Variants in MDGA2 observed in about 807,000 individuals in gnomAD.
MDGA2 encodes the protein MAM domain-containing glycosylphosphatidylinositol anchor protein 2.
Under a neutral mutation model 117.8 loss-of-function variants are expected in MDGA2, and 40 were observed. The ratio of observed to expected loss-of-function variants is 0.34; its 90% CI spans 0.26 to 0.44. The LOEUF (loss-of-function observed/expected upper bound fraction) is 0.44. MDGA2 is among the 20% of genes least tolerant of loss of function. The pLI, the probability that MDGA2 is intolerant of heterozygous loss-of-function variation, is 1.00. For missense variants in MDGA2, 1,123 were observed against 1,250.6 expected, an observed-to-expected ratio of 0.90 and a Z score of 1.54; for synonymous variants, 452 against 439.0, an observed-to-expected ratio of 1.03 and a Z score of -0.37.
At chr14:47,103,803 A>C (rs922685432) in intron 5 of MDGA2, among the ~76,000 whole-genome samples, 4 of 152,226 alleles carry the variant, frequency 2.6e-5, no homozygotes, top group Non-Finnish European at 5.9e-5. Flanking sequence ...TGTTGTTATC[A>C]ACAGTGATGA....
At chr14:46,987,405 A>G (rs1886900386) in intron 8 of MDGA2, among the ~76,000 whole-genome samples, 1 of 152,142 alleles carries the variant, frequency 6.6e-6, no homozygotes, top group South Asian at 2.1e-4. Flanking sequence ...GTTGTTATTC[A>G]CTATTTATTC....
At chr14:47,630,873 T>C (rs1333204382) in intron 1 of MDGA2, among the ~76,000 whole-genome samples, 1 of 152,182 alleles carries the variant, frequency 6.6e-6, no homozygotes, top group South Asian at 2.1e-4. Flanking sequence ...CTTCCTATAT[T>C]CCAGAGAGTA....
At chr14:47,477,340 G>C (rs1375110561) in intron 1 of MDGA2, among the ~76,000 whole-genome samples, 2 of 152,018 alleles carry the variant, frequency 1.3e-5, no homozygotes, top group Non-Finnish European at 2.9e-5. Flanking sequence ...TAGAAAACAT[G>C]TATTTCAATT....
chr14:46,905,395 A>C (rs1380292446), intron 10 of MDGA2, among the ~76,000 whole-genome samples: 1 of 152,140 alleles, frequency 6.6e-6, no homozygotes, highest in Non-Finnish European at 1.5e-5. Flanking sequence ...AAGTGTATTC[A>C]TTATGCTTCC....
At chr14:47,586,418 G>A (rs1321544516) in intron 1 of MDGA2, among the ~76,000 whole-genome samples, 1 of 151,872 alleles carries the variant, frequency 6.6e-6, no homozygotes, top group Non-Finnish European at 1.5e-5. Flanking sequence ...TGGGATTTGA[G>A]TATAGCTGAG....
intron 3 of MDGA2, among the ~76,000 whole-genome samples, chr14:47,189,881 C>T (rs571179824): frequency 6.6e-4 from 100 of 152,148 alleles, no homozygotes; most frequent in African/African-American, 2.3e-3. Flanking sequence ...CAATTAACAC[C>T]TAAAAGACAC....
intron 1 of MDGA2, among the ~76,000 whole-genome samples, chr14:47,456,599 G>A (rs1355347492): frequency 3.3e-5 from 5 of 151,796 alleles, no homozygotes; most frequent in African/African-American, 1.2e-4. Context: ...CACCATGCCC[G>A]GCCAATTGTT....
chr14:46,986,916 T>A (rs768593767), intron 8 of MDGA2, among the ~76,000 whole-genome samples: 38 of 152,202 alleles, frequency 2.5e-4, no homozygotes, highest in Non-Finnish European at 4.6e-4. Flanking sequence ...AGAGATGGAC[T>A]TTATAACTCA....
At chr14:47,530,240 C>T (rs955671622) in intron 1 of MDGA2, among the ~76,000 whole-genome samples, 5 of 151,974 alleles carry the variant, frequency 3.3e-5, no homozygotes, top group Admixed American at 6.6e-5. Flanking sequence ...CCTCATCTTG[C>T]CACGGCTCTT....
intron 5 of MDGA2, among the ~76,000 whole-genome samples, chr14:47,100,961 C>G (rs565829233): frequency 6.6e-6 from 1 of 151,970 alleles, no homozygotes; most frequent in African/African-American, 2.4e-5. Context: ...ATGGAAGGCA[C>G]AGGTCATGAT....
At chr14:47,063,730 A>T (rs192084773) in intron 6 of MDGA2, among the ~76,000 whole-genome samples, 1 of 152,084 alleles carries the variant, frequency 6.6e-6, no homozygotes, top group East Asian at 1.9e-4. Context: ...TACAATTTTG[A>T]AAGTTTTATT....
At chr14:47,019,866 T>G (rs1888225453) in intron 8 of MDGA2, among the ~76,000 whole-genome samples, 1 of 151,462 alleles carries the variant, frequency 6.6e-6, no homozygotes, top group Non-Finnish European at 1.5e-5. Context: ...ATTATCTACC[T>G]GGTAAAGGAG....
intron 3 of MDGA2, among the ~76,000 whole-genome samples, chr14:47,163,734 T>G (rs1280136439): frequency 6.6e-6 from 1 of 152,202 alleles, no homozygotes; most frequent in Non-Finnish European, 1.5e-5. Flanking sequence ...TTAGCCAACC[T>G]TGCACTCAGA....
intron 3 of MDGA2, among the ~76,000 whole-genome samples, chr14:47,184,033 GGAAA>G (rs1406957031): frequency 6.6e-6 from 1 of 151,780 alleles, no homozygotes; most frequent in African/African-American, 2.4e-5. Context: ...GCAATTTAGA[GGAAA>G]GACTGTATTT....
At chr14:47,482,166 A>C (rs1893967495) in intron 1 of MDGA2, among the ~76,000 whole-genome samples, 1 of 152,078 alleles carries the variant, frequency 6.6e-6, no homozygotes, top group South Asian at 2.1e-4. Flanking sequence ...AAAAGAAAAC[A>C]AATAAGGAGG....
chr14:47,370,852 C>T (rs1055852381), intron 1 of MDGA2, among the ~76,000 whole-genome samples: 5 of 151,652 alleles, frequency 3.3e-5, no homozygotes, highest in Admixed American at 3.3e-4. Context: ...GTTGATACTG[C>T]ACTACCTAAC....
intron 3 of MDGA2, among the ~76,000 whole-genome samples, chr14:47,211,265 G>A (rs951043349): frequency 4.6e-5 from 7 of 152,024 alleles, no homozygotes; most frequent in Non-Finnish European, 7.4e-5. Flanking sequence ...CTACTACTCT[G>A]TTAAGAATGG....
intron 1 of MDGA2, among the ~76,000 whole-genome samples, chr14:47,569,377 G>T (rs12880923): frequency 0.26 from 40,280 of 152,108 alleles, 6,153 homozygotes; most frequent in Non-Finnish European, 0.35. Context: ...TTGCACCAGT[G>T]CATGGCATTA....
At chr14:47,313,976 A>T (rs17740497) in intron 1 of MDGA2, among the ~76,000 whole-genome samples, 13,569 of 152,260 alleles carry the variant, frequency 0.089, 733 homozygotes, top group Non-Finnish European at 0.11. Flanking sequence ...GCATATATGG[A>T]AAAATATACA....
Sources: gnomAD v4.1 joint callset for allele counts (sites outside exome capture counted in the v4.1 genomes callset) on GRCh38, gnomAD v4.1.1 for gene constraint, MANE v1.5 for transcripts, NCBI Gene and HGNC (gene_info 2026-07-23, HGNC 2026-07-21) for gene names.